OCIAD1: variants seen among roughly 807,000 people sequenced by gnomAD.
OCIAD1 encodes OCIA domain containing 1, also known as OCIA domain-containing protein 1.
OCIAD1 carries 29 observed loss-of-function variants against 38.9 expected under a neutral mutation model. That is an observed-to-expected ratio of 0.74 (90% CI 0.55 to 1.02). The LOEUF is 1.02. Ranked by LOEUF, OCIAD1 falls within the 50% of genes least tolerant of loss-of-function variation. The pLI is 0.00. For missense variants in OCIAD1, 288 were observed against 289.6 expected (o/e 0.99, Z 0.04); for synonymous variants, 110 against 92.0 (o/e 1.20, Z -1.12).
chr4:48,857,503 T>TAAG (rs1156483078), intron 8 of OCIAD1, 138 bp downstream of exon 8: 1 of 499,136 alleles, frequency 2.0e-6, no homozygotes, highest in Non-Finnish European at 3.3e-6. Context: ...ATTTTTAAAA[T>TAAG]AGTACTTTAC....
At chr4:48,834,438 G>T (rs543320120) in intron 3 of OCIAD1, among the ~76,000 whole-genome samples, 1 of 152,314 alleles carries the variant, frequency 6.6e-6, no homozygotes, top group East Asian at 1.9e-4. Context: ...AAAGTGCTGG[G>T]ATTATAGGCG....
At chr4:48,827,914 CTG>C (rs978930569), upstream of OCIAD1, among the ~76,000 whole-genome samples, 2 of 152,208 alleles carry the variant, frequency 1.3e-5, no homozygotes, top group African/African-American at 4.8e-5. Context: ...AATCAGCACT[CTG>C]TGTCTAGCTC....
At chr4:48,842,921 G>T (rs934551703) in intron 4 of OCIAD1, among the ~76,000 whole-genome samples, 2 of 152,106 alleles carry the variant, frequency 1.3e-5, no homozygotes, top group African/African-American at 4.8e-5. Context: ...AGAGCAAGAA[G>T]GTAACTAAAC....
At chr4:48,822,364 C>G (rs1777202732) in intron 1 of OCIAD1, among the ~76,000 whole-genome samples, 1 of 152,190 alleles carries the variant, frequency 6.6e-6, no homozygotes, top group African/African-American at 2.4e-5. Flanking sequence ...GAAACTGGAC[C>G]ACTTCCTTAC....
intron 8 of OCIAD1, among the ~76,000 whole-genome samples, chr4:48,857,892 G>C (rs1447513009): frequency 1.3e-5 from 2 of 152,130 alleles, no homozygotes; most frequent in Non-Finnish European, 2.9e-5. Flanking sequence ...GGTGTCTCAT[G>C]CCTGAAATCC....
At chr4:48,830,542 A>C (rs1299313705), upstream of OCIAD1, 1 of 152,194 alleles carries the variant, frequency 6.6e-6, no homozygotes, top group Non-Finnish European at 1.5e-5. Context: ...TGTTGTTTTA[A>C]TTCTAACAAC....
chr4:48,848,518 T>C (rs1316434956), intron 5 of OCIAD1, 72 bp downstream of exon 5: 36 of 728,220 alleles, frequency 4.9e-5, no homozygotes, highest in Non-Finnish European at 7.9e-5. Context: ...TCAAATGTTT[T>C]ATCATGTCTT....
At chr4:48,813,808 AT>A (rs1777115106) in intron 1 of OCIAD1, among the ~76,000 whole-genome samples, 1 of 152,192 alleles carries the variant, frequency 6.6e-6, no homozygotes, top group South Asian at 2.1e-4. Flanking sequence ...ACTTTTTTTC[AT>A]GTGACACTTT....
At chr4:48,806,628 A>G (rs1271998311) in intron 1 of OCIAD1, among the ~76,000 whole-genome samples, 3 of 151,900 alleles carry the variant, frequency 2.0e-5, no homozygotes, top group Non-Finnish European at 4.4e-5. Context: ...TTTTTTTGAC[A>G]TGGAGTCTTG....
chr4:48,854,535 C>T (rs1170366243), intron 7 of OCIAD1, among the ~76,000 whole-genome samples: 1 of 152,312 alleles, frequency 6.6e-6, no homozygotes, highest in East Asian at 1.9e-4. Context: ...TCTTCCCCAC[C>T]ATTTGCATTA....
chr4:48,849,887 A>C, intron 5 of OCIAD1, 60 bp from the exon 6 acceptor site: 19 of 1,482,048 alleles, frequency 1.3e-5, no homozygotes, highest in Non-Finnish European at 1.6e-5. Flanking sequence ...TTTCTTTTAG[A>C]AAATACTTTT....
chr4:48,838,429 G>A (rs1021001310), intron 3 of OCIAD1, among the ~76,000 whole-genome samples: 2 of 151,954 alleles, frequency 1.3e-5, no homozygotes, highest in Non-Finnish European at 2.9e-5. Flanking sequence ...AAAAATTACT[G>A]TATTAATAGG....
intron 1 of OCIAD1, among the ~76,000 whole-genome samples, chr4:48,820,134 C>G (rs1318792024): frequency 3.9e-5 from 6 of 152,158 alleles, no homozygotes; most frequent in South Asian, 4.1e-4. Flanking sequence ...ATTCTAAAAT[C>G]GATCACATAA....
chr4:48,821,290 T>C (rs758463246), intron 1 of OCIAD1, among the ~76,000 whole-genome samples: 7 of 152,170 alleles, frequency 4.6e-5, no homozygotes, highest in Non-Finnish European at 1.0e-4. Context: ...ACAGAACCAA[T>C]GACAAGAACC....
chr4:48,849,971 C>T lies in OCIAD1; in HGVS notation c.266C>T (p.Ala89Val). ...GTTGCTTGTATCATGGGATACTTTG[C>T]TGGAAAACTTTCTTATGTGAAAACT... ...LILACIMGYFAGKLSYVKTCQ... is the reference protein window; with the variant it reads ...LILACIMGYFVGKLSYVKTCQ... Residue 89 changes from alanine (A) to valine (V), a missense_variant, in exon 6 of 9, where the codon GCT becomes GTT. By Grantham distance (64) the Ala-to-Val change is moderately conservative. Transcript: ENST00000264312. 2 of 1,610,188 alleles carry T rather than the reference C, an allele frequency of 1.2e-6. No homozygotes were observed. The highest frequency in any genetic ancestry group is 1.1e-5 in the South Asian group (1 of 89,686).
intron 3 of OCIAD1, among the ~76,000 whole-genome samples, chr4:48,841,821 G>A (rs1778559436): frequency 1.3e-5 from 2 of 152,022 alleles, no homozygotes; most frequent in Non-Finnish European, 2.9e-5. Flanking sequence ...TTGAGATTAT[G>A]AGTTTTGGAT....
chr4:48,831,053 G>T (rs576500989), upstream of OCIAD1: 12 of 208,952 alleles, frequency 5.7e-5, no homozygotes, highest in African/African-American at 2.1e-4. Context: ...ATTTCCTGCC[G>T]TAAGTATACA....
In OCIAD1 at chr4:48,832,615, T is replaced by C; in HGVS notation, c.-5-5T>C. On this transcript the variant is annotated splice_region_variant and splice_polypyrimidine_tract_variant and intron_variant, in intron 1 of 8. Coordinates refer to ENST00000264312, the MANE Select transcript of OCIAD1 (RefSeq NM_017830.4). ...AATACTTAATATGTAATGTTTTTGA[T>C]ACAGGAAAGATGAATGGGAGGGCTG... 6.2e-7 allele frequency: 1 copy of C among 1,610,686 alleles called. No homozygotes were observed. Among genetic ancestry groups the C allele is most frequent in the Non-Finnish European group, 8.5e-7 (1 of 1,176,838 alleles).
intron 7 of OCIAD1, among the ~76,000 whole-genome samples, chr4:48,853,758 G>C (rs966759921): frequency 1.5e-4 from 23 of 152,138 alleles, no homozygotes; most frequent in Admixed American, 1.5e-3. Flanking sequence ...TACCGTGTTA[G>C]TGCCAATATA....
Sources: gnomAD v4.1 joint callset for allele counts (sites outside exome capture counted in the v4.1 genomes callset) on GRCh38, gnomAD v4.1.1 for gene constraint, MANE v1.5 for transcripts, NCBI Gene and HGNC (gene_info 2026-07-23, HGNC 2026-07-21) for gene names.